Variants in MCTP1 observed in about 807,000 individuals in gnomAD.
MCTP1 encodes the protein multiple C2 and transmembrane domain containing 1, also known as multiple C2 and transmembrane domain-containing protein 1.
Under a neutral mutation model 120.6 loss-of-function variants are expected in MCTP1, and 69 were observed. That is an observed-to-expected ratio of 0.57 (90% CI 0.47 to 0.70). The LOEUF is 0.70. Among genes scored for constraint, MCTP1 ranks in the 30% least tolerant of loss-of-function variants. MCTP1 has a pLI of 0.00. For synonymous variants in MCTP1, 529 were observed against 493.1 expected, an observed-to-expected ratio of 1.07 and a Z score of -0.96; for missense variants, 1,203 against 1,248.8, an observed-to-expected ratio of 0.96 and a Z score of 0.55.
At chr5:95,203,919 C>T (rs1751342531) in intron 1 of MCTP1, among the ~76,000 whole-genome samples, 1 of 152,174 alleles carries the variant, frequency 6.6e-6, no homozygotes. Context: ...ATCTAGTCAT[C>T]TTCAAGAAAC....
intron 1 of MCTP1, among the ~76,000 whole-genome samples, chr5:95,067,330 T>C (rs1464912877): frequency 6.6e-6 from 1 of 152,198 alleles, no homozygotes; most frequent in African/African-American, 2.4e-5. Context: ...GGGTTATGCA[T>C]TAGCTAATTA....
rs183278108 is a variant in MCTP1, at chr5:95,252,012, T to C, written c.720+31844A>G. On this transcript the variant is annotated intron_variant, in intron 1 of 22. Transcript: ENST00000515393. ...ATTGAATAAGCATCAAAGCAGAATA[T>C]CATACATCACAGGCAATCTGCTAAG... 2.7e-3 allele frequency among the ~76,000 whole-genome samples: 411 copies of C among 152,152 alleles called. 2 individuals carry two copies. The highest frequency in any genetic ancestry group is 9.4e-3 in the African/African-American group (390 of 41,520).
At chr5:94,747,610 G>T (rs1767220997) in intron 19 of MCTP1, among the ~76,000 whole-genome samples, 1 of 152,102 alleles carries the variant, frequency 6.6e-6, no homozygotes, top group Non-Finnish European at 1.5e-5. Context: ...TTGGCCTGTG[G>T]ACTGTAGTTT....
chr5:95,160,218 A>G (rs1745567143), intron 1 of MCTP1, among the ~76,000 whole-genome samples: 1 of 152,218 alleles, frequency 6.6e-6, no homozygotes, highest in Non-Finnish European at 1.5e-5. Flanking sequence ...GCAGGGAGAT[A>G]TGTTATCCTG....
At chr5:94,869,313 ATGT>A (rs1797397227) in intron 16 of MCTP1, among the ~76,000 whole-genome samples, 1 of 152,026 alleles carries the variant, frequency 6.6e-6, no homozygotes, top group Admixed American at 6.6e-5. Flanking sequence ...GGAAGTAGCT[ATGT>A]AAAGTTTACT....
At chr5:95,082,464 C>T (rs1755049616) in intron 1 of MCTP1, among the ~76,000 whole-genome samples, 1 of 152,056 alleles carries the variant, frequency 6.6e-6, no homozygotes, top group South Asian at 2.1e-4. Context: ...CACTTGCCAT[C>T]AGCCTCATCA....
intron 1 of MCTP1, among the ~76,000 whole-genome samples, chr5:95,263,892 C>A (rs1044071287): frequency 6.6e-6 from 1 of 152,176 alleles, no homozygotes. Flanking sequence ...GTCAACCAGT[C>A]CAGTCTCCAC....
chr5:94,754,051 T>C (rs1769150410), intron 19 of MCTP1, among the ~76,000 whole-genome samples: 1 of 151,922 alleles, frequency 6.6e-6, no homozygotes, highest in Non-Finnish European at 1.5e-5. Flanking sequence ...CCTGAGAGAG[T>C]TAAAGTGTAT....
Position 94,917,339 on chromosome 5 carries a change from G to T in MCTP1, c.1350+557C>A, listed in dbSNP as rs944173732. 6.6e-5 allele frequency among the ~76,000 whole-genome samples: 10 copies of T among 152,284 alleles called. No individual in the cohort carries two copies. The South Asian group carries it at 1.0e-3, about 16-fold the overall frequency. On this transcript the variant is annotated intron_variant, in intron 8 of 22. Coordinates refer to ENST00000515393, the MANE Select transcript of MCTP1 (RefSeq NM_024717.7). ...CTTCTTGAGGAGGACAAGAAAAAAG[G>T]CAGGAAGAATAAAAAGGAAAAAACC... is the stretch of plus-strand genomic sequence containing the variant.
chr5:95,185,247 G>C (rs1199817066), intron 1 of MCTP1, among the ~76,000 whole-genome samples: 6 of 150,586 alleles, frequency 4.0e-5, no homozygotes, highest in Non-Finnish European at 8.9e-5. Context: ...TACAAACAAA[G>C]AAAACAAAAA....
chr5:95,181,097 A>G (rs1405027023), intron 1 of MCTP1, among the ~76,000 whole-genome samples: 1 of 152,238 alleles, frequency 6.6e-6, no homozygotes, highest in Non-Finnish European at 1.5e-5. Flanking sequence ...TGTTTCCACT[A>G]TAGCTATTCC....
chr5:95,168,274 T>C (rs1302546023), intron 1 of MCTP1, among the ~76,000 whole-genome samples: 1 of 152,232 alleles, frequency 6.6e-6, no homozygotes, highest in East Asian at 1.9e-4. Flanking sequence ...TTGGTACCAG[T>C]ACCATGCTGT....
intron 20 of MCTP1, among the ~76,000 whole-genome samples, chr5:94,713,216 C>A (rs935260014): frequency 6.6e-6 from 1 of 151,802 alleles, no homozygotes; most frequent in African/African-American, 2.4e-5. Flanking sequence ...AGGAGAATTT[C>A]TTTTTTTTAG....
intron 17 of MCTP1, among the ~76,000 whole-genome samples, chr5:94,831,818 G>C (rs1788570539): frequency 6.6e-6 from 1 of 152,076 alleles, no homozygotes; most frequent in Non-Finnish European, 1.5e-5. Context: ...ACTATTTTAG[G>C]CTCTTAAGTT....
At chr5:94,717,709 AT>A (rs1203479357) in intron 19 of MCTP1, among the ~76,000 whole-genome samples, 1 of 152,196 alleles carries the variant, frequency 6.6e-6, no homozygotes, top group Admixed American at 6.5e-5. Context: ...AATTTCTAGC[AT>A]TCCTATACAC....
At chr5:95,168,914 G>T (rs1277923132) in intron 1 of MCTP1, among the ~76,000 whole-genome samples, 1 of 151,944 alleles carries the variant, frequency 6.6e-6, no homozygotes, top group East Asian at 1.9e-4. Flanking sequence ...GATTGCCCTG[G>T]CCAGAACTTC....
rs181211516 is a variant in MCTP1 at position 95,173,517 on chromosome 5, G to A, written c.720+110339C>T. ...GCTCCTCAGTGTTTATAAAGTAAAG[G>A]TTAAACTGCTTACCTTGGTAGGCAA... is the stretch of plus-strand genomic sequence containing the variant. On this transcript the variant is annotated intron_variant, in intron 1 of 22. Coordinates refer to ENST00000515393, the MANE Select transcript of MCTP1 (RefSeq NM_024717.7). Among the ~76,000 whole-genome samples, 281 of 152,190 alleles carry A rather than the reference G, an allele frequency of 1.8e-3. 1 individual carries two copies. The highest frequency in any genetic ancestry group is 6.5e-3 in the Admixed American group (100 of 15,274).
chr5:94,874,390 T>G (rs1213894335), intron 12 of MCTP1, among the ~76,000 whole-genome samples: 1 of 152,144 alleles, frequency 6.6e-6, no homozygotes, highest in Admixed American at 6.6e-5. Context: ...GTATTTACTT[T>G]CCATATTGCA....
intron 1 of MCTP1, among the ~76,000 whole-genome samples, chr5:95,275,755 A>G (rs1759776588): frequency 6.6e-6 from 1 of 152,136 alleles, no homozygotes; most frequent in Non-Finnish European, 1.5e-5. Context: ...CCATGTTTCC[A>G]AAGTCCCATA....
Sources: gnomAD v4.1 joint callset for allele counts (sites outside exome capture counted in the v4.1 genomes callset) on GRCh38, gnomAD v4.1.1 for gene constraint, MANE v1.5 for transcripts, NCBI Gene and HGNC (gene_info 2026-07-23, HGNC 2026-07-21) for gene names.